Variants in CHLSN observed in about 807,000 individuals in gnomAD.
CHLSN encodes the protein protein cholesin.
the CHLSN span, chr7:1,087,112 T>A: frequency 6.6e-6 from 1 of 152,310 alleles, no homozygotes; most frequent in East Asian, 1.9e-4. Flanking sequence ...CCGCCCCGCA[T>A]GAGGCAGTTC....
chr7:996,734 C>A, the CHLSN span, among the ~76,000 whole-genome samples: 2 of 152,270 alleles, frequency 1.3e-5, no homozygotes, highest in Non-Finnish European at 2.9e-5. Context: ...GGACCACGTG[C>A]TGCTGGGAAC....
chr7:1,020,986 G>A, the CHLSN span, among the ~76,000 whole-genome samples: 1 of 138,940 alleles, frequency 7.2e-6, no homozygotes, highest in Admixed American at 6.8e-5. Flanking sequence ...GGGACCTTCA[G>A]GCAGGTACCT....
At chr7:1,102,991 G>T in the CHLSN span, among the ~76,000 whole-genome samples, 2 of 152,200 alleles carry the variant, frequency 1.3e-5, no homozygotes, top group Admixed American at 1.3e-4. Context: ...GAGACACTCT[G>T]TTGCCGTCTA....
chr7:988,743 C>T, the CHLSN span: 1 of 1,599,352 alleles, frequency 6.3e-7, no homozygotes, highest in South Asian at 1.1e-5. Context: ...GTCAGTCCGG[C>T]CTCCCTGGAC....
At chr7:1,068,041 G>A in the CHLSN span, among the ~76,000 whole-genome samples, 4 of 152,136 alleles carry the variant, frequency 2.6e-5, no homozygotes, top group African/African-American at 9.7e-5. Flanking sequence ...CACACGCTGC[G>A]GCCCCAGCAA....
chr7:1,125,803 G>A, the CHLSN span, among the ~76,000 whole-genome samples: 1 of 152,198 alleles, frequency 6.6e-6, no homozygotes, highest in African/African-American at 2.4e-5. Context: ...GTGGTAACAC[G>A]GGGTGACAAT....
the CHLSN span, among the ~76,000 whole-genome samples, chr7:1,005,256 AC>A: frequency 6.6e-6 from 1 of 152,166 alleles, no homozygotes; most frequent in African/African-American, 2.4e-5. Context: ...GCACCACTGC[AC>A]TCCAGCCTGG....
the CHLSN span, among the ~76,000 whole-genome samples, chr7:1,107,043 A>T: frequency 6.6e-6 from 1 of 152,206 alleles, no homozygotes; most frequent in Admixed American, 6.5e-5. Flanking sequence ...GCCCAGCATC[A>T]GCTCTGCCTG....
chr7:984,389 G>C, the CHLSN span: 1 of 1,543,756 alleles, frequency 6.5e-7, no homozygotes, highest in Middle Eastern at 1.7e-4. Flanking sequence ...GGCTGCCCGG[G>C]TGACCCCCGC....
the CHLSN span, among the ~76,000 whole-genome samples, chr7:1,001,072 CCTG>C: frequency 2.0e-5 from 3 of 152,228 alleles, no homozygotes; most frequent in Non-Finnish European, 2.9e-5. Context: ...CCGTCCCGCT[CCTG>C]CACTAGGGCC....
chr7:1,051,144 C>CGT, the CHLSN span, among the ~76,000 whole-genome samples: 1 of 152,218 alleles, frequency 6.6e-6, no homozygotes, highest in African/African-American at 2.4e-5. Context: ...CTACAAGCAG[C>CGT]GTGTGGGCAG....
the CHLSN span, among the ~76,000 whole-genome samples, chr7:1,015,204 G>A: frequency 6.6e-6 from 1 of 152,064 alleles, no homozygotes. Context: ...TGTTTGGGGG[G>A]GCTGAGGGGT....
the CHLSN span, among the ~76,000 whole-genome samples, chr7:1,005,257 C>G: frequency 7.9e-5 from 12 of 152,316 alleles, no homozygotes; most frequent in Non-Finnish European, 1.0e-4. Context: ...CACCACTGCA[C>G]TCCAGCCTGG....
chr7:1,048,019 G>A, the CHLSN span, among the ~76,000 whole-genome samples: 1 of 130,554 alleles, frequency 7.7e-6, no homozygotes, highest in South Asian at 2.4e-4. Flanking sequence ...AGAGATGGAT[G>A]TGCGGACAGG....
At chr7:1,012,709 G>C in the CHLSN span, among the ~76,000 whole-genome samples, 5 of 152,240 alleles carry the variant, frequency 3.3e-5, no homozygotes, top group Admixed American at 3.3e-4. Context: ...TTCTGTGCTG[G>C]GCCTCAACAG....
the CHLSN span, among the ~76,000 whole-genome samples, chr7:1,131,101 G>A: frequency 6.6e-6 from 1 of 151,564 alleles, no homozygotes; most frequent in South Asian, 2.1e-4. Flanking sequence ...AGAGGTGGGA[G>A]GATTGCTTGA....
chr7:1,122,476 C>T, the CHLSN span, among the ~76,000 whole-genome samples: 3 of 152,154 alleles, frequency 2.0e-5, no homozygotes, highest in East Asian at 2.0e-4. Context: ...CATACGGCTC[C>T]GTGGCTTCAG....
At chr7:997,541 G>A in the CHLSN span, 1 of 1,242,986 alleles carries the variant, frequency 8.0e-7, no homozygotes, top group Non-Finnish European at 1.1e-6. Context: ...TGGTGAACCC[G>A]GCCCCCACCG....
the CHLSN span, among the ~76,000 whole-genome samples, chr7:1,107,263 G>A: frequency 6.6e-6 from 1 of 152,064 alleles, no homozygotes; most frequent in African/African-American, 2.4e-5. Context: ...TCCACAGCCC[G>A]CCTAGGAATG....
Sources: gnomAD v4.1 joint callset for allele counts (sites outside exome capture counted in the v4.1 genomes callset) on GRCh38, gnomAD v4.1.1 for gene constraint, MANE v1.5 for transcripts, NCBI Gene and HGNC (gene_info 2026-07-23, HGNC 2026-07-21) for gene names.